LMO7: variants seen among roughly 807,000 people sequenced by gnomAD.
LMO7 encodes LIM domain 7.
In LMO7, 120 loss-of-function variants were observed where a neutral mutation model predicts 206.5. The ratio of observed to expected loss-of-function variants is 0.58; its 90% CI spans 0.50 to 0.68. LMO7 has a LOEUF of 0.68. Ranked by LOEUF, LMO7 falls within the 30% of genes least tolerant of loss-of-function variation. The pLI is 0.00. For synonymous variants in LMO7, 706 were observed against 681.5 expected, an observed-to-expected ratio of 1.04 and a Z score of -0.56; for missense variants, 1,959 against 1,957.9, an observed-to-expected ratio of 1.00 and a Z score of -0.01.
At chr13:75,841,336 T>C (rs2059543706) in intron 23 of LMO7, 135 bp downstream of exon 23, 3 of 645,598 alleles carry the variant, frequency 4.6e-6, no homozygotes, top group Admixed American at 3.2e-5. Context: ...AAAAATACAA[T>C]GAGCTCTGAT....
rs375537435 is a variant in LMO7, at chr13:75,724,818, T to C, written c.141-2211T>C. On this transcript the variant is annotated intron_variant, in intron 2 of 30. Transcript: ENST00000377534. ...TTCTCCGTCTTGTAGTCCTTAGAAT[T>C]GTGACTACTAACAAAATAAAACAGA... Among the ~76,000 whole-genome samples, 9 of 152,284 alleles carry C rather than the reference T, an allele frequency of 5.9e-5. No homozygotes were observed. The East Asian group carries it at 1.7e-3, about 29-fold the overall frequency.
chr13:75,632,723 C>G (rs12020007), upstream of LMO7, among the ~76,000 whole-genome samples: 1 of 152,140 alleles, frequency 6.6e-6, no homozygotes. Context: ...TATATTAACT[C>G]TAATAATAAT....
intron 1 of LMO7, among the ~76,000 whole-genome samples, chr13:75,704,557 C>A (rs2042517703): frequency 1.3e-5 from 2 of 152,138 alleles, no homozygotes; most frequent in South Asian, 2.1e-4. Context: ...GGTTTGCACA[C>A]AAATATGGTG....
chr13:75,776,160 CGG>C (rs2050377272), intron 4 of LMO7, among the ~76,000 whole-genome samples: 2 of 27,970 alleles, frequency 7.2e-5, no homozygotes, highest in Non-Finnish European at 1.6e-4. Flanking sequence ...GTATATATAT[CGG>C]ATATATATAT....
At chr13:75,774,775 A>G (rs2050165301) in intron 4 of LMO7, among the ~76,000 whole-genome samples, 1 of 152,134 alleles carries the variant, frequency 6.6e-6, no homozygotes, top group Admixed American at 6.5e-5. Flanking sequence ...TGTTAGATAT[A>G]TCAGTTATCT....
rs747893045 is a variant in LMO7, at chr13:75,823,846, C to T, written c.2922C>T (p.Ser974=). 21 of 1,613,788 alleles carry T rather than the reference C, an allele frequency of 1.3e-5. No homozygotes were observed. Among genetic ancestry groups the T allele is most frequent in the Non-Finnish European group, 1.7e-5 (20 of 1,179,852 alleles). Reference sequence around the variant, plus strand: ...CTGAATCTGGAGAAGGGGAAATCTCCCCACAAAGAGAAGTCTCAAGATCCC... The same window carrying T: ...CTGAATCTGGAGAAGGGGAAATCTCTCCACAAAGAGAAGTCTCAAGATCCC... ...LMSESGEGEI[S]PQREVSRSQD... is the part of the protein sequence containing the mutation. Residue 974 remains serine (S), a synonymous_variant, in exon 15 of 31, where the codon TCC becomes TCT. Transcript: ENST00000377534.
chr13:75,672,758 T>C (rs1005040888), intron 1 of LMO7, among the ~76,000 whole-genome samples: 4 of 152,104 alleles, frequency 2.6e-5, no homozygotes, highest in African/African-American at 9.7e-5. Flanking sequence ...CCACCAAAGA[T>C]GAAAATGATA....
intron 27 of LMO7, among the ~76,000 whole-genome samples, chr13:75,850,882 G>C (rs2060445593): frequency 2.0e-5 from 3 of 152,176 alleles, no homozygotes; most frequent in African/African-American, 7.2e-5. Context: ...TTGGCAGTAG[G>C]CTGTAATTTG....
chr13:75,834,187 T>A (rs754348737), intron 16 of LMO7, 39 bp from the exon 17 acceptor site: 1 of 1,506,630 alleles, frequency 6.6e-7, no homozygotes, highest in Non-Finnish European at 9.0e-7. Context: ...ACATGTGGGA[T>A]TTTTTTCCCC....
At chr13:75,751,748 A>T (rs559032786) in intron 3 of LMO7, among the ~76,000 whole-genome samples, 1 of 152,138 alleles carries the variant, frequency 6.6e-6, no homozygotes, top group African/African-American at 2.4e-5. Flanking sequence ...GTGTCTTTTC[A>T]CTTTTGCTTA....
chr13:75,717,255 C>T (rs1323904224), intron 2 of LMO7, among the ~76,000 whole-genome samples: 14 of 150,040 alleles, frequency 9.3e-5, no homozygotes, highest in East Asian at 4.0e-4. Context: ...CCCAGCTACT[C>T]GGGAGGCTGA....
At chr13:75,642,163 A>G (rs2036600382) in intron 1 of LMO7, among the ~76,000 whole-genome samples, 1 of 152,220 alleles carries the variant, frequency 6.6e-6, no homozygotes, top group Non-Finnish European at 1.5e-5. Context: ...GTGTAAACAG[A>G]TATGTCAAAG....
intron 30 of LMO7, 53 bp from the exon 31 acceptor site, chr13:75,857,868 A>G (rs1463982197): frequency 7.5e-7 from 1 of 1,333,162 alleles, no homozygotes. Context: ...AGATGGCAAT[A>G]TTCACGTTTC....
chr13:75,769,341 C>T (rs2049325730), intron 4 of LMO7, among the ~76,000 whole-genome samples: 1 of 151,814 alleles, frequency 6.6e-6, no homozygotes, highest in South Asian at 2.1e-4. Flanking sequence ...TTCAGAGTGC[C>T]CCTACTAACC....
chr13:75,727,589 G>A (rs1380327464), intron 3 of LMO7, among the ~76,000 whole-genome samples: 1 of 151,688 alleles, frequency 6.6e-6, no homozygotes, highest in Admixed American at 6.6e-5. Context: ...TAGATAAATG[G>A]TAGCACATGT....
At chr13:75,700,773 C>T (rs752978125) in intron 1 of LMO7, among the ~76,000 whole-genome samples, 1 of 152,174 alleles carries the variant, frequency 6.6e-6, no homozygotes, top group Non-Finnish European at 1.5e-5. Flanking sequence ...AGGGACAGTT[C>T]ACAGAGGGGG....
chr13:75,701,648 C>CA (rs1325842636), intron 1 of LMO7, among the ~76,000 whole-genome samples: 3 of 152,094 alleles, frequency 2.0e-5, no homozygotes, highest in African/African-American at 7.2e-5. Flanking sequence ...ACTCCTTAAT[C>CA]TAGAAAAAAA....
chr13:75,781,819 C>T (rs923975027), intron 4 of LMO7, among the ~76,000 whole-genome samples: 5 of 152,202 alleles, frequency 3.3e-5, no homozygotes, highest in Non-Finnish European at 5.9e-5. Flanking sequence ...GATTGCCATT[C>T]TAACTGGTGT....
intron 1 of LMO7, among the ~76,000 whole-genome samples, chr13:75,646,129 G>A (rs892124974): frequency 6.6e-6 from 1 of 152,076 alleles, no homozygotes; most frequent in African/African-American, 2.4e-5. Context: ...CTTAGCAAAT[G>A]GCATCATTGT....
Sources: allele counts gnomAD v4.1 joint callset (sites outside exome capture counted in the v4.1 genomes callset), GRCh38; gene constraint gnomAD v4.1.1; transcripts MANE v1.5; gene names NCBI Gene and HGNC (gene_info 2026-07-23, HGNC 2026-07-21).